Variants in PPFIA1 observed in about 807,000 individuals in gnomAD.
The protein encoded by PPFIA1 is liprin-alpha-1.
In PPFIA1, 25 loss-of-function variants were observed where a neutral mutation model predicts 149.9. That is an observed-to-expected ratio of 0.17 (90% confidence interval 0.12 to 0.23). PPFIA1 has a LOEUF of 0.23. Ranked by LOEUF, PPFIA1 falls within the 10% of genes least tolerant of loss-of-function variation. PPFIA1 has a pLI of 1.00. For missense variants in PPFIA1, 1,362 were observed against 1,506.5 expected, an observed-to-expected ratio of 0.90 and a Z score of 1.59; for synonymous variants, 549 against 552.8, an observed-to-expected ratio of 0.99 and a Z score of 0.10.
intron 21 of PPFIA1, among the ~76,000 whole-genome samples, chr11:70,370,256 A>G (rs2057164634): frequency 6.6e-6 from 1 of 151,964 alleles, no homozygotes; most frequent in African/African-American, 2.4e-5. Flanking sequence ...ATTGATATTT[A>G]TGAAGTACTA....
chr11:70,331,870 C>T (rs2054690122), intron 8 of PPFIA1, 90 bp from the exon 9 acceptor site: 2 of 1,399,794 alleles, frequency 1.4e-6, no homozygotes, highest in African/African-American at 2.9e-5. Context: ...CTCTCTTAGT[C>T]TGTATCTGCA....
chr11:70,382,246 C>A, intron 27 of PPFIA1, 88 bp downstream of exon 27: 2 of 939,672 alleles, frequency 2.1e-6, no homozygotes, highest in East Asian at 2.6e-5. Flanking sequence ...GGGGTGTGGA[C>A]CATGAAAGCC....
At chr11:70,376,415 C>T in intron 24 of PPFIA1, 117 bp from the exon 25 acceptor site, 1 of 1,024,252 alleles carries the variant, frequency 9.8e-7, no homozygotes, top group Admixed American at 1.9e-5. Context: ...GCGTGAGCCA[C>T]CAGACCCAGC....
chr11:70,364,736 G>T (rs2056830499), intron 21 of PPFIA1: 1 of 152,156 alleles, frequency 6.6e-6, no homozygotes, highest in South Asian at 2.1e-4. Flanking sequence ...TGAAAATGAA[G>T]GTGCTGAGTG....
chr11:70,374,271 G>A (rs1280085813), intron 23 of PPFIA1: 1 of 152,236 alleles, frequency 6.6e-6, no homozygotes, highest in Non-Finnish European at 1.5e-5. Context: ...GGAGGCTGAG[G>A]TGGGAAAAAT....
At chr11:70,379,269 C>T (rs538283646) in intron 26 of PPFIA1, among the ~76,000 whole-genome samples, 19 of 152,010 alleles carry the variant, frequency 1.2e-4, no homozygotes, top group African/African-American at 2.4e-5. Flanking sequence ...GCCTGACCAA[C>T]ATGGCGAAAC....
At chr11:70,311,264 G>T (rs1460577233) in intron 2 of PPFIA1, among the ~76,000 whole-genome samples, 1 of 151,586 alleles carries the variant, frequency 6.6e-6, no homozygotes, top group Non-Finnish European at 1.5e-5. Context: ...GCCGAGATTG[G>T]GCCATTGCAC....
At chr11:70,357,587 ATTT>A (rs879479086) in intron 19 of PPFIA1, among the ~76,000 whole-genome samples, 5 of 142,438 alleles carry the variant, frequency 3.5e-5, no homozygotes, top group East Asian at 2.0e-4. Context: ...CTGTGTAAGA[ATTT>A]TTTTTTTTTT....
At chr11:70,311,708 A>G (rs754665723) in intron 2 of PPFIA1, among the ~76,000 whole-genome samples, 1 of 152,158 alleles carries the variant, frequency 6.6e-6, no homozygotes, top group Non-Finnish European at 1.5e-5. Context: ...GTTGTGGACC[A>G]TGGGTAGAGT....
At position 70,348,182 on chromosome 11, in the gene PPFIA1, A is replaced by T. The variant is rs562182685; in HGVS notation, c.1932-7A>T. ...CAGGAGGACTGACTGCTTTTGTTTT[A>T]TTTTAGGTTGATTCAGGAAGAAAAA... On this transcript the variant is annotated splice_region_variant and splice_polypyrimidine_tract_variant and intron_variant, in intron 15 of 27. Transcript: ENST00000253925. 6.2e-7 allele frequency: 1 copy of T among 1,613,972 alleles called. No individual in the cohort carries two copies. The highest frequency in any genetic ancestry group is 8.5e-7 in the Non-Finnish European group (1 of 1,179,876).
intron 11 of PPFIA1, among the ~76,000 whole-genome samples, chr11:70,336,245 G>A (rs781038615): frequency 3.3e-5 from 5 of 152,184 alleles, no homozygotes; most frequent in Non-Finnish European, 7.3e-5. Context: ...GCTCACGTCT[G>A]TAATCCCAGC....
chr11:70,337,488 A>G (rs867096749), intron 12 of PPFIA1, 61 bp downstream of exon 12: 2 of 1,293,222 alleles, frequency 1.5e-6, no homozygotes, highest in Non-Finnish European at 2.2e-6. Context: ...TGATGATGAT[A>G]GTTACTGCAG....
intron 24 of PPFIA1, 123 bp downstream of exon 24, chr11:70,375,216 G>GT (rs919039725): frequency 9.0e-6 from 2 of 222,480 alleles, no homozygotes; most frequent in Non-Finnish European, 1.4e-5. Flanking sequence ...CAGACAACTA[G>GT]TTTTTGGTTT....
intron 2 of PPFIA1, among the ~76,000 whole-genome samples, chr11:70,306,834 T>G (rs2052886610): frequency 6.6e-6 from 1 of 152,056 alleles, no homozygotes; most frequent in Non-Finnish European, 1.5e-5. Context: ...CTGGAGAAAA[T>G]GAGGAAGTAT....
intron 2 of PPFIA1, among the ~76,000 whole-genome samples, chr11:70,277,060 A>ATTATAATATATATATATATATATATTT (rs2050447765): frequency 1.5e-5 from 1 of 66,326 alleles, no homozygotes; most frequent in African/African-American, 1.2e-4. Context: ...ATATATATAT[A>ATTATAATATATATATATATATATATTT]TTTTTTTTTT....
intron 8 of PPFIA1, among the ~76,000 whole-genome samples, chr11:70,330,908 G>C (rs2054612584): frequency 6.6e-6 from 1 of 152,168 alleles, no homozygotes; most frequent in African/African-American, 2.4e-5. Flanking sequence ...CTGGACTCCA[G>C]CCTGGGCCAC....
chr11:70,375,046 T>G lies in PPFIA1; in HGVS notation c.3268T>G (p.Phe1090Val), dbSNP rs2057426202. The change falls in exon 24 of 28, where the codon TTC becomes GTC. Residue 1090 changes from phenylalanine (F) to valine (V), a missense_variant. By Grantham distance (50) the Phe-to-Val change is conservative (BLOSUM62 -1). This residue lies in a region of PPFIA1 where 349 missense variants were observed against 373.3 expected (regional missense o/e 0.93). Transcript: ENST00000253925. ...TCTGGCCTTAGATGAAACCTTCGAC[T>G]TCAGTGCACTGGCACTGCTGTTACA... ...ALLALDETFDFSALALLLQIP... is the reference protein window; with the variant it reads ...ALLALDETFDVSALALLLQIP... 1.2e-6 allele frequency: 2 copies of G among 1,613,764 alleles called. No individual in the cohort carries two copies. Among genetic ancestry groups the G allele is most frequent in the Admixed American group, 1.7e-5 (1 of 59,856 alleles).
intron 17 of PPFIA1, 104 bp downstream of exon 17, chr11:70,354,556 A>G: frequency 1.6e-6 from 2 of 1,252,778 alleles, no homozygotes; most frequent in Non-Finnish European, 2.2e-6. Context: ...ATTTTGTAGA[A>G]TTACCCATTA....
chr11:70,354,721 T>A (rs2056260830), intron 17 of PPFIA1, among the ~76,000 whole-genome samples: 1 of 151,982 alleles, frequency 6.6e-6, no homozygotes, highest in Non-Finnish European at 1.5e-5. Flanking sequence ...AAACTTCATG[T>A]CTTCAGAGTC....
Sources: allele counts gnomAD v4.1 joint callset (sites outside exome capture counted in the v4.1 genomes callset), GRCh38; gene constraint gnomAD v4.1.1; regional missense constraint gnomAD v4.1.1; transcripts MANE v1.5; gene names NCBI Gene and HGNC (gene_info 2026-07-23, HGNC 2026-07-21).